Variants in TENM1 observed in about 807,000 individuals in gnomAD.
The protein encoded by TENM1 is teneurin-1.
TENM1 carries 35 observed loss-of-function variants against 174.8 expected under a neutral mutation model. That is an observed-to-expected ratio of 0.20 (90% CI 0.15 to 0.27). TENM1 has a LOEUF of 0.27. TENM1 is among the 10% of genes least tolerant of loss of function. The pLI is 1.00. For missense variants in TENM1, 1,633 were observed against 2,130.1 expected (o/e 0.77, Z 4.59); for synonymous variants, 781 against 798.7 (o/e 0.98, Z 0.37).
chrX:124,700,042 T>C (rs1226860399), intron 5 of TENM1, among the ~76,000 whole-genome samples: 1 of 112,332 alleles, frequency 8.9e-6, no homozygotes, highest in East Asian at 2.8e-4. Flanking sequence ...TATAGGATAA[T>C]GTGAAATGCT....
chrX:124,613,925 C>T lies in TENM1; in HGVS notation c.2077+27866G>A, dbSNP rs147275793. Among the ~76,000 whole-genome samples the T allele has an allele frequency of 5.0e-3, 555 of 111,754 alleles. 5 individuals carry two copies. Among genetic ancestry groups the T allele is most frequent in the African/African-American group, 0.017 (523 of 30,755 alleles). Reference sequence around the variant, plus strand: ...GCACTCCTGATCCCCAATAAGACTACTCCGTGGGAAGCTGGGTGCCTAGAA... The same window carrying T: ...GCACTCCTGATCCCCAATAAGACTATTCCGTGGGAAGCTGGGTGCCTAGAA... On this transcript the variant is annotated intron_variant, in intron 11 of 31. Coordinates refer to ENST00000422452, the Ensembl canonical transcript of TENM1.
chrX:124,729,357 C>T (rs2053512150), intron 4 of TENM1, among the ~76,000 whole-genome samples: 1 of 112,141 alleles, frequency 8.9e-6, no homozygotes, highest in Non-Finnish European at 1.9e-5. Flanking sequence ...TCATTCAGTT[C>T]TGAAAACAGC....
chrX:124,420,692 T>C lies in TENM1; in HGVS notation c.4601A>G (p.His1534Arg). ...CTCATAAATGTTCATGTCATTCAGG[T>C]GGGCTTGGTTCCTGCTGATGGTACG... The change falls in exon 25 of 32, where the codon CAC (histidine) becomes CGC (arginine). Residue 1534 changes from histidine to arginine, a missense_variant. By Grantham distance (29) the His-to-Arg change is conservative. Transcript: ENST00000422452. 1 of 1,211,706 alleles carries C rather than the reference T, an allele frequency of 8.3e-7. No individual in the cohort carries two copies. Among genetic ancestry groups the C allele is most frequent in the Non-Finnish European group, 1.1e-6 (1 of 895,451 alleles).
the TENM1 span, among the ~76,000 whole-genome samples, chrX:124,994,375 C>T: frequency 9.2e-6 from 1 of 109,253 alleles, no homozygotes; most frequent in African/African-American, 3.3e-5. Flanking sequence ...ACTAAAAATA[C>T]TATCCTTCCC....
chrX:124,587,232 T>G (rs1163082708), intron 11 of TENM1, among the ~76,000 whole-genome samples: 1 of 110,510 alleles, frequency 9.0e-6, no homozygotes, highest in East Asian at 2.8e-4. Flanking sequence ...CATTGCCAAG[T>G]CAATCCTAAG....
rs771315006 is a variant in TENM1 at position 124,875,963 on chromosome X, T to TTATATATA, written c.535+18325_535+18332dup. ...TTTTACATGATCTTATTCTAAGAAATTATATATATATATATACGTTTGTAT... is the reference window on the plus strand; with the variant it reads ...TTTTACATGATCTTATTCTAAGAAATTATATATATATATATATATATATACGTTTGTAT... On this transcript the variant is annotated intron_variant, in intron 3 of 31. Transcript: ENST00000422452. 1.5e-3 allele frequency among the ~76,000 whole-genome samples: 154 copies of TTATATATA among 105,493 alleles called. 1 individual carries two copies. Among genetic ancestry groups the TTATATATA allele is most frequent in the African/African-American group, 5.1e-3 (146 of 28,728 alleles). 91.6% of individuals were successfully genotyped at this position (105,493 alleles called of 115,157 possible).
chrX:124,686,811 AAC>A (rs961695671), intron 5 of TENM1, among the ~76,000 whole-genome samples: 17 of 112,144 alleles, frequency 1.5e-4, no homozygotes, highest in African/African-American at 5.5e-4. Context: ...CACAGCCAAT[AAC>A]ATACTAAATG....
At chrX:124,603,490 C>G (rs139261354) in intron 11 of TENM1, among the ~76,000 whole-genome samples, 35 of 107,587 alleles carry the variant, frequency 3.3e-4, no homozygotes, top group African/African-American at 1.1e-3. Context: ...TTATTAACCT[C>G]ACTCTACACA....
intron 3 of TENM1, among the ~76,000 whole-genome samples, chrX:124,838,377 TTTG>T (rs1365132553): frequency 8.9e-6 from 1 of 112,142 alleles, no homozygotes; most frequent in Non-Finnish European, 1.9e-5. Flanking sequence ...TTTTCCATAA[TTTG>T]TTTTTATTTT....
At chrX:124,549,979 G>A (rs1159906022) in intron 14 of TENM1, among the ~76,000 whole-genome samples, 11 of 108,825 alleles carry the variant, frequency 1.0e-4, no homozygotes, top group African/African-American at 2.3e-4. Flanking sequence ...GCTCAGCGTC[G>A]TCAGATATGG....
At chrX:124,867,338 A>T (rs1313197885) in intron 3 of TENM1, among the ~76,000 whole-genome samples, 1 of 112,259 alleles carries the variant, frequency 8.9e-6, no homozygotes, top group East Asian at 2.8e-4. Flanking sequence ...CTCACCATAC[A>T]CAAATCAATC....
the TENM1 span, among the ~76,000 whole-genome samples, chrX:125,002,622 A>G: frequency 9.0e-6 from 1 of 111,586 alleles, no homozygotes; most frequent in East Asian, 2.8e-4. Context: ...TTTCCTGCCC[A>G]GAGTCCCCAA....
chrX:124,392,722 CCATAA>C (rs2060295643), intron 27 of TENM1, among the ~76,000 whole-genome samples: 1 of 111,763 alleles, frequency 8.9e-6, no homozygotes, highest in Non-Finnish European at 1.9e-5. Context: ...AGTGAAGTGG[CCATAA>C]CATAAAAGGG....
the TENM1 span, among the ~76,000 whole-genome samples, chrX:125,093,648 A>C: frequency 9.0e-6 from 1 of 111,694 alleles, no homozygotes; most frequent in African/African-American, 3.3e-5. Flanking sequence ...CCCATTTTCC[A>C]TTAACTTGAT....
At chrX:125,168,297 T>C in the TENM1 span, among the ~76,000 whole-genome samples, 1 of 111,883 alleles carries the variant, frequency 8.9e-6, no homozygotes, top group African/African-American at 3.2e-5. Context: ...ACTTGCTGGA[T>C]AAATGCAGAG....
chrX:124,387,920 G>T (rs763178368), intron 28 of TENM1, among the ~76,000 whole-genome samples: 56 of 112,172 alleles, frequency 5.0e-4, no homozygotes, highest in African/African-American at 1.8e-3. Context: ...TGGAAATCCT[G>T]AATGGGCTTG....
At chrX:124,496,114 TG>T (rs1457570757) in intron 20 of TENM1, among the ~76,000 whole-genome samples, 3 of 109,492 alleles carry the variant, frequency 2.7e-5, no homozygotes, top group African/African-American at 6.8e-5. Context: ...AAACAAGCAT[TG>T]GGGAAAGGAT....
intron 1 of TENM1, among the ~76,000 whole-genome samples, chrX:124,928,871 C>G (rs1038391947): frequency 9.0e-6 from 1 of 111,680 alleles, no homozygotes; most frequent in Non-Finnish European, 1.9e-5. Flanking sequence ...CATCATCACA[C>G]GTCTCCCATT....
At chrX:124,874,951 A>G (rs1188453530) in intron 3 of TENM1, among the ~76,000 whole-genome samples, 2 of 111,441 alleles carry the variant, frequency 1.8e-5, no homozygotes, top group Admixed American at 1.9e-4. Flanking sequence ...ATATATTTTA[A>G]TATCTGGCAA....
Sources: gnomAD v4.1 joint callset for allele counts (sites outside exome capture counted in the v4.1 genomes callset) on GRCh38, gnomAD v4.1.1 for gene constraint, MANE v1.5 for transcripts, NCBI Gene and HGNC (gene_info 2026-07-23, HGNC 2026-07-21) for gene names.